KCNIP4: variants seen among roughly 807,000 people sequenced by gnomAD.
The protein encoded by KCNIP4 is Kv channel-interacting protein 4.
A neutral mutation model predicts 34.0 loss-of-function variants in KCNIP4; 12 were observed. That is an observed-to-expected ratio of 0.35 (90% CI 0.23 to 0.57). The LOEUF (loss-of-function observed/expected upper bound fraction) is 0.57, where lower values mean the gene tolerates loss of function less well. KCNIP4 is among the 20% of genes least tolerant of loss of function. The probability of loss-of-function intolerance (pLI) is 0.83; values close to 1 mark genes in which losing one functional copy is unlikely to be tolerated. For synonymous variants in KCNIP4, 124 were observed against 102.2 expected, an observed-to-expected ratio of 1.21 and a Z score of -1.29; for missense variants, 238 against 311.7, an observed-to-expected ratio of 0.76 and a Z score of 1.78.
chr4:21,207,238 G>A (rs1296710875), intron 1 of KCNIP4, among the ~76,000 whole-genome samples: 1 of 152,148 alleles, frequency 6.6e-6, no homozygotes, highest in Non-Finnish European at 1.5e-5. Context: ...TAAAATGTAA[G>A]AGAAAACAAG....
At chr4:21,696,262 T>C (rs1199581925) in intron 1 of KCNIP4, among the ~76,000 whole-genome samples, 1 of 152,104 alleles carries the variant, frequency 6.6e-6, no homozygotes, top group African/African-American at 2.4e-5. Flanking sequence ...TTTAGTTAAT[T>C]ATCGCCAAGA....
At chr4:21,764,150 G>C (rs940495856) in intron 1 of KCNIP4, among the ~76,000 whole-genome samples, 1 of 152,124 alleles carries the variant, frequency 6.6e-6, no homozygotes, top group African/African-American at 2.4e-5. Flanking sequence ...ATGATAAGCA[G>C]GCATTTTCCA....
At chr4:21,180,489 T>C (rs1754759635) in intron 1 of KCNIP4, among the ~76,000 whole-genome samples, 1 of 151,896 alleles carries the variant, frequency 6.6e-6, no homozygotes, top group Non-Finnish European at 1.5e-5. Flanking sequence ...AAAAAGTAAA[T>C]AAAATAAGAA....
chr4:21,065,729 TATATA>T (rs1560690217), intron 1 of KCNIP4, among the ~76,000 whole-genome samples: 542 of 34,818 alleles, frequency 0.016, 4 homozygotes, highest in African/African-American at 0.04. Context: ...CATTTGTCTA[TATATA>T]TATATATATA....
chr4:21,623,517 T>C (rs911541910), intron 1 of KCNIP4, among the ~76,000 whole-genome samples: 2 of 152,222 alleles, frequency 1.3e-5, no homozygotes, highest in Admixed American at 1.3e-4. Context: ...CACAGTTTTT[T>C]AGCTTATGTT....
chr4:20,913,101 C>T (rs1462913997), intron 1 of KCNIP4, among the ~76,000 whole-genome samples: 1 of 152,028 alleles, frequency 6.6e-6, no homozygotes, highest in African/African-American at 2.4e-5. Context: ...CAGCATTATT[C>T]ACAGTAGCCA....
At chr4:21,629,191 G>C (rs1745542363) in intron 1 of KCNIP4, among the ~76,000 whole-genome samples, 1 of 152,148 alleles carries the variant, frequency 6.6e-6, no homozygotes, top group South Asian at 2.1e-4. Flanking sequence ...AGAAAAGCTT[G>C]GGCCTGAAAT....
At chr4:21,145,124 G>A (rs973460763) in intron 1 of KCNIP4, among the ~76,000 whole-genome samples, 1 of 152,112 alleles carries the variant, frequency 6.6e-6, no homozygotes, top group African/African-American at 2.4e-5. Flanking sequence ...TTTACATACA[G>A]GTGATTCCTG....
intron 1 of KCNIP4, among the ~76,000 whole-genome samples, chr4:21,313,367 T>C (rs1384571961): frequency 1.3e-5 from 2 of 152,196 alleles, no homozygotes; most frequent in African/African-American, 4.8e-5. Flanking sequence ...GTTTATCCTA[T>C]TATTTTATTG....
chr4:21,127,127 C>A (rs772751655), intron 1 of KCNIP4, among the ~76,000 whole-genome samples: 1 of 152,186 alleles, frequency 6.6e-6, no homozygotes, highest in Non-Finnish European at 1.5e-5. Context: ...TTACTCATCA[C>A]TCAGGTCTCA....
intron 1 of KCNIP4, among the ~76,000 whole-genome samples, chr4:21,665,945 T>A (rs972480027): frequency 1.3e-5 from 2 of 152,200 alleles, no homozygotes; most frequent in East Asian, 3.8e-4. Context: ...AGGTGGAAAC[T>A]AACTTTAATA....
At chr4:21,804,327 G>T (rs1473738048) in intron 1 of KCNIP4, among the ~76,000 whole-genome samples, 1 of 152,156 alleles carries the variant, frequency 6.6e-6, no homozygotes, top group Non-Finnish European at 1.5e-5. Context: ...TTATAGAGTG[G>T]TCTTGTTTTT....
chr4:21,431,808 C>A (rs536553034), intron 1 of KCNIP4, among the ~76,000 whole-genome samples: 1 of 150,894 alleles, frequency 6.6e-6, no homozygotes, highest in African/African-American at 2.4e-5. Flanking sequence ...TTAGTGTCCA[C>A]GAACCCCATT....
chr4:21,016,675 C>A (rs1244710877), intron 1 of KCNIP4, among the ~76,000 whole-genome samples: 1 of 151,926 alleles, frequency 6.6e-6, no homozygotes, highest in Non-Finnish European at 1.5e-5. Flanking sequence ...TGCAGTGGTT[C>A]AATCTCAGCT....
intron 1 of KCNIP4, among the ~76,000 whole-genome samples, chr4:21,135,784 G>A (rs1751453172): frequency 6.6e-6 from 1 of 152,158 alleles, no homozygotes; most frequent in Admixed American, 6.5e-5. Flanking sequence ...CCCAGGCTCT[G>A]CCACTTACTG....
At chr4:21,036,768 T>C (rs956761695) in intron 1 of KCNIP4, among the ~76,000 whole-genome samples, 3 of 152,262 alleles carry the variant, frequency 2.0e-5, no homozygotes, top group Non-Finnish European at 4.4e-5. Flanking sequence ...TCTTGTTTCA[T>C]GACGGCTTTT....
At chr4:21,617,800 C>T (rs955505094) in intron 1 of KCNIP4, among the ~76,000 whole-genome samples, 2 of 152,162 alleles carry the variant, frequency 1.3e-5, no homozygotes, top group African/African-American at 4.8e-5. Context: ...CAAACACCCC[C>T]AGGCAAGAAG....
intron 5 of KCNIP4, among the ~76,000 whole-genome samples, chr4:20,736,766 C>G (rs1323039016): frequency 6.6e-6 from 1 of 152,130 alleles, no homozygotes; most frequent in African/African-American, 2.4e-5. Flanking sequence ...AGAATGGCCA[C>G]AGACCTTTTT....
intron 1 of KCNIP4, among the ~76,000 whole-genome samples, chr4:21,359,251 A>G (rs1409614178): frequency 1.3e-5 from 2 of 151,912 alleles, no homozygotes; most frequent in Admixed American, 6.6e-5. Flanking sequence ...ATTTCTTCTC[A>G]TCTTCTCCTG....
Sources: gnomAD v4.1 joint callset for allele counts (sites outside exome capture counted in the v4.1 genomes callset) on GRCh38, gnomAD v4.1.1 for gene constraint, MANE v1.5 for transcripts, NCBI Gene and HGNC (gene_info 2026-07-23, HGNC 2026-07-21) for gene names.